Variants in DPP4 observed in about 807,000 individuals in gnomAD.
DPP4 encodes the protein ADCP-2.
In DPP4, 93 loss-of-function variants were observed where a neutral mutation model predicts 122.4. That is an observed-to-expected ratio of 0.76 (90% CI 0.64 to 0.90). The LOEUF is 0.90. Among genes scored for constraint, DPP4 ranks in the 40% least tolerant of loss-of-function variants. DPP4 has a pLI of 0.00. For missense variants in DPP4, 914 were observed against 907.3 expected, an observed-to-expected ratio of 1.01 and a Z score of -0.09; for synonymous variants, 321 against 302.9, an observed-to-expected ratio of 1.06 and a Z score of -0.62.
At chr2:162,035,438 C>G in intron 8 of DPP4, 114 bp from the exon 9 acceptor site, 7 of 910,442 alleles carry the variant, frequency 7.7e-6, no homozygotes, top group Non-Finnish European at 1.1e-5. Context: ...AACTAATGAA[C>G]CACTTTGCAT....
intron 10 of DPP4, among the ~76,000 whole-genome samples, chr2:162,031,232 C>G (rs1231647657): frequency 1.3e-5 from 2 of 152,190 alleles, no homozygotes; most frequent in African/African-American, 2.4e-5. Context: ...CTCACCTGTA[C>G]CTCACAGCGG....
chr2:162,012,474 G>C (rs191496256), intron 19 of DPP4, among the ~76,000 whole-genome samples: 44 of 152,162 alleles, frequency 2.9e-4, no homozygotes, highest in African/African-American at 1.0e-3. Context: ...GCACAGTCTT[G>C]CTCACAATGA....
At chr2:162,021,809 C>T (rs756610845) in intron 12 of DPP4, among the ~76,000 whole-genome samples, 3 of 152,022 alleles carry the variant, frequency 2.0e-5, no homozygotes, top group Non-Finnish European at 2.9e-5. Context: ...TTCAAAGAGT[C>T]GTGAGGAAGT....
chr2:162,026,844 TGAA>T (rs1683345893), intron 10 of DPP4, among the ~76,000 whole-genome samples: 1 of 152,018 alleles, frequency 6.6e-6, no homozygotes, highest in African/African-American at 2.4e-5. Context: ...AACAGAAAAA[TGAA>T]GCTTTCTGAA....
chr2:162,060,563 G>C (rs1459660426), intron 2 of DPP4, among the ~76,000 whole-genome samples: 2 of 151,888 alleles, frequency 1.3e-5, no homozygotes, highest in Non-Finnish European at 2.9e-5. Flanking sequence ...ATACAATGCT[G>C]AACAACTCAG....
In DPP4 at chr2:162,046,974, T is replaced by C. The variant is rs373370226; in HGVS notation, c.226A>G (p.Ile76Val). The stretch of plus-strand genomic sequence containing the variant: ...CCATATTCAGCATTGAATACCAAGA[T>C]ATTATTTTCTTGTTTGTAGAGATAT... ...HEYLYKQENN[I>V]LVFNAEYGNS... is the part of the protein sequence containing the mutation. The change falls in exon 4 of 26, where the codon ATC becomes GTC. Residue 76 changes from isoleucine (I) to valine (V), a missense_variant. Ile to Val is a conservative substitution (Grantham distance 29). Transcript: ENST00000360534. 2 of 1,596,430 alleles carry C rather than the reference T, an allele frequency of 1.3e-6. No homozygotes were observed. Among genetic ancestry groups the C allele is most frequent in the South Asian group, 2.2e-5 (2 of 90,422 alleles).
chr2:162,064,915 G>A (rs183514918), intron 2 of DPP4, among the ~76,000 whole-genome samples: 19 of 152,328 alleles, frequency 1.2e-4, no homozygotes, highest in Admixed American at 1.2e-3. Flanking sequence ...GAGCTGGCTT[G>A]ATGTCTGTCC....
chr2:162,037,416 T>G (rs1000841808), intron 8 of DPP4, among the ~76,000 whole-genome samples: 1 of 152,196 alleles, frequency 6.6e-6, no homozygotes, highest in Admixed American at 6.5e-5. Flanking sequence ...TTCTAGGACA[T>G]GAAAAGTTAT....
intron 5 of DPP4, among the ~76,000 whole-genome samples, chr2:162,042,506 C>T (rs1684021657): frequency 6.6e-6 from 1 of 152,042 alleles, no homozygotes; most frequent in East Asian, 1.9e-4. Flanking sequence ...AAAAGGTAGA[C>T]CTCCAAGGAA....
chr2:161,994,594 C>G (rs952406731), intron 25 of DPP4, among the ~76,000 whole-genome samples: 1 of 152,186 alleles, frequency 6.6e-6, no homozygotes, highest in Non-Finnish European at 1.5e-5. Context: ...AATGGATTTT[C>G]ATATTTGAGC....
At chr2:162,041,559 A>G (rs1018864844) in intron 5 of DPP4, among the ~76,000 whole-genome samples, 20 of 152,096 alleles carry the variant, frequency 1.3e-4, no homozygotes, top group African/African-American at 4.8e-4. Context: ...ATTAAATTCT[A>G]CTTTTCGGGA....
chr2:162,047,488 T>C lies in DPP4; in HGVS notation c.108A>G (p.Thr36=), dbSNP rs1684230588. 1 of 1,573,298 alleles carries C rather than the reference T, an allele frequency of 6.4e-7. No individual in the cohort carries two copies. The highest frequency in any genetic ancestry group is 1.3e-5 in the African/African-American group (1 of 74,644). ...GAGTGTAAGTTTTGCGACTGTCAGC[T>C]GTAGCATCATCTGCTGGTTGAAAGA... The part of the protein sequence containing the change: ...VLLNKGTDDA[T]ADSRKTYTLT... The change falls in exon 3 of 26, where the codon ACA becomes ACG. Residue 36 remains threonine (T), a synonymous_variant. Coordinates refer to ENST00000360534, the MANE Select transcript of DPP4 (RefSeq NM_001935.4).
chr2:161,993,626 A>G (rs186345835), intron 25 of DPP4, among the ~76,000 whole-genome samples: 1 of 152,306 alleles, frequency 6.6e-6, no homozygotes, highest in Admixed American at 6.5e-5. Flanking sequence ...AGGTGCTGAG[A>G]GAACTCACTG....
At chr2:162,011,092 C>T (rs2106088830) in intron 20 of DPP4, among the ~76,000 whole-genome samples, 1 of 152,206 alleles carries the variant, frequency 6.6e-6, no homozygotes, top group South Asian at 2.1e-4. Flanking sequence ...GGTAAGAACA[C>T]CCACCTCTCG....
chr2:162,022,129 C>T (rs1385839217), intron 12 of DPP4, among the ~76,000 whole-genome samples: 2 of 152,300 alleles, frequency 1.3e-5, no homozygotes, highest in East Asian at 3.9e-4. Context: ...TTCATCAACT[C>T]ATTACATTCT....
intron 7 of DPP4, among the ~76,000 whole-genome samples, chr2:162,038,708 CT>C (rs1683875707): frequency 6.6e-6 from 1 of 152,108 alleles, no homozygotes; most frequent in African/African-American, 2.4e-5. Context: ...AGGCTGACCA[CT>C]TCTACAGGAT....
intron 8 of DPP4, among the ~76,000 whole-genome samples, chr2:162,036,637 A>G (rs964888265): frequency 2.0e-5 from 3 of 152,122 alleles, no homozygotes; most frequent in African/African-American, 7.2e-5. Flanking sequence ...TAGAAAACCT[A>G]CTTCCGGGTT....
intron 10 of DPP4, 25 bp downstream of exon 10, chr2:162,033,516 C>T (rs867309745): frequency 6.4e-7 from 1 of 1,567,626 alleles, no homozygotes; most frequent in Non-Finnish European, 8.7e-7. Context: ...GTTTACAAGC[C>T]AAGCATTCAG....
intron 8 of DPP4, among the ~76,000 whole-genome samples, chr2:162,037,722 A>G (rs992487070): frequency 2.6e-5 from 4 of 152,152 alleles, no homozygotes; most frequent in Admixed American, 1.3e-4. Context: ...ACAACTCTGT[A>G]TCCTAAAAGG....
Sources: gnomAD v4.1 joint callset for allele counts (sites outside exome capture counted in the v4.1 genomes callset) on GRCh38, gnomAD v4.1.1 for gene constraint, MANE v1.5 for transcripts, NCBI Gene and HGNC (gene_info 2026-07-23, HGNC 2026-07-21) for gene names.